Variants in SYNE1 observed in about 807,000 individuals in gnomAD.
SYNE1 encodes nesprin-1.
In SYNE1, 616 loss-of-function variants were observed where a neutral mutation model predicts 1,111.0. The observed-to-expected ratio is 0.55, with a 90% CI of 0.52 to 0.59. SYNE1 has a LOEUF of 0.59. Ranked by LOEUF, SYNE1 falls within the 20% of genes least tolerant of loss-of-function variation. The probability of loss-of-function intolerance (pLI) is 0.00; values close to 1 mark genes in which losing one functional copy is unlikely to be tolerated. For synonymous variants in SYNE1, 3,855 were observed against 3,825.8 expected (o/e 1.01, Z -0.28); for missense variants, 10,006 against 10,417.0 (o/e 0.96, Z 1.72).
intron 3 of SYNE1, among the ~76,000 whole-genome samples, chr6:152,583,167 AC>A (rs2099526152): frequency 6.6e-6 from 1 of 152,224 alleles, no homozygotes. Context: ...ATTTTGAGTT[AC>A]CTTTGCTCAG....
chr6:152,302,358 T>C (rs758558059), intron 91 of SYNE1: 9 of 500,570 alleles, frequency 1.8e-5, no homozygotes, highest in Non-Finnish European at 2.9e-5. Flanking sequence ...AGGCCCCATA[T>C]GGAATCATGA....
chr6:152,515,763 G>T (rs1394990174), intron 6 of SYNE1, among the ~76,000 whole-genome samples: 1 of 152,162 alleles, frequency 6.6e-6, no homozygotes, highest in East Asian at 1.9e-4. Context: ...TGAATGATCT[G>T]CCTGACACCT....
chr6:152,230,036 A>ATT (rs34395309), intron 115 of SYNE1, among the ~76,000 whole-genome samples: 16 of 150,598 alleles, frequency 1.1e-4, no homozygotes, highest in Admixed American at 2.0e-4. Flanking sequence ...AATTTAGGCA[A>ATT]TTTTTTTTTT....
chr6:152,488,162 T>C (rs1046327441), intron 12 of SYNE1, among the ~76,000 whole-genome samples: 1 of 152,006 alleles, frequency 6.6e-6, no homozygotes. Flanking sequence ...TATGGAAAAG[T>C]GATGAAGCCT....
At chr6:152,328,572 A>ATT (rs67478287) in intron 78 of SYNE1, among the ~76,000 whole-genome samples, 27 of 143,576 alleles carry the variant, frequency 1.9e-4, no homozygotes, top group Admixed American at 9.1e-4. Flanking sequence ...AACCCAGCTA[A>ATT]TTTTTTTTTT....
chr6:152,462,587 T>C, intron 20 of SYNE1, 151 bp downstream of exon 20: 1 of 794,342 alleles, frequency 1.3e-6, no homozygotes, highest in Non-Finnish European at 2.1e-6. Flanking sequence ...TCAATACATT[T>C]TTTTCTGACA....
At chr6:152,425,666 A>C (rs2154195014) in intron 38 of SYNE1, 119 bp from the exon 39 acceptor site, 1 of 1,179,462 alleles carries the variant, frequency 8.5e-7, no homozygotes, top group Non-Finnish European at 1.2e-6. Context: ...GTCATTCGGG[A>C]CAGGCTGAAG....
chr6:152,493,415 T>C (rs544465302), intron 11 of SYNE1, among the ~76,000 whole-genome samples: 3 of 152,170 alleles, frequency 2.0e-5, no homozygotes, highest in Admixed American at 1.3e-4. Flanking sequence ...TCGCTTTCAT[T>C]TGGACTGACC....
intron 127 of SYNE1, among the ~76,000 whole-genome samples, chr6:152,201,238 G>A (rs719764): frequency 0.016 from 2,476 of 151,952 alleles, 54 homozygotes; most frequent in Non-Finnish European, 0.02. Flanking sequence ...TGTTGGTCTC[G>A]GTGAGCTCAT....
At chr6:152,189,957 G>A (rs1411679244) in intron 127 of SYNE1, among the ~76,000 whole-genome samples, 1 of 152,196 alleles carries the variant, frequency 6.6e-6, no homozygotes, top group East Asian at 1.9e-4. Flanking sequence ...TGCTGTTTGA[G>A]AGCATTGTAC....
At chr6:152,525,176 C>G (rs1335790152) in intron 5 of SYNE1, among the ~76,000 whole-genome samples, 1 of 152,168 alleles carries the variant, frequency 6.6e-6, no homozygotes, top group East Asian at 1.9e-4. Context: ...ACAAACAACT[C>G]TTACAAAAGC....
At chr6:152,309,763 C>G (rs1259015209) in intron 90 of SYNE1, 72 bp downstream of exon 90, 1 of 1,589,102 alleles carries the variant, frequency 6.3e-7, no homozygotes. Context: ...TGGCTGAGCC[C>G]ACACAATGCT....
At chr6:152,159,639 C>T (rs1009130855) in intron 131 of SYNE1, among the ~76,000 whole-genome samples, 1 of 152,050 alleles carries the variant, frequency 6.6e-6, no homozygotes, top group Non-Finnish European at 1.5e-5. Flanking sequence ...GGGTCTTGCT[C>T]TGTCACCCAG....
At chr6:152,525,211 T>C (rs561668341) in intron 5 of SYNE1, among the ~76,000 whole-genome samples, 9 of 152,272 alleles carry the variant, frequency 5.9e-5, no homozygotes, top group African/African-American at 2.2e-4. Context: ...CTGTACAAAA[T>C]GAATGGAAAT....
chr6:152,339,320 T>C lies in SYNE1; in HGVS notation c.12272A>G (p.Asp4091Gly), dbSNP rs767294741. The C allele has an allele frequency of 1.1e-5, 17 of 1,613,936 alleles. No homozygotes were observed. Among genetic ancestry groups the C allele is most frequent in the Admixed American group, 1.0e-4 (6 of 59,998 alleles). The change falls in exon 75 of 146, where the codon GAT becomes GGT. Residue 4091 changes from aspartate to glycine, a missense_variant. Coordinates refer to ENST00000367255, the MANE Select transcript of SYNE1 (RefSeq NM_182961.4). ...ALQEQARTYL[D>G]LLCSMCDLSN... is the part of the protein sequence containing the mutation. ...CAGGTCACACATGGAGCAAAGGAGA[T>C]CTAGGTAGGTCCTTGCCTGCTCTTG...
At chr6:152,276,458 T>C (rs2093632368) in intron 98 of SYNE1, among the ~76,000 whole-genome samples, 1 of 152,208 alleles carries the variant, frequency 6.6e-6, no homozygotes, top group South Asian at 2.1e-4. Flanking sequence ...TAGTTTTTAG[T>C]TGATTAAGTT....
At chr6:152,575,971 C>T (rs570753875) in intron 3 of SYNE1, among the ~76,000 whole-genome samples, 2 of 152,304 alleles carry the variant, frequency 1.3e-5, no homozygotes, top group Admixed American at 6.5e-5. Context: ...TTCTGGGAAA[C>T]GGCTATTGCA....
At chr6:152,266,319 A>T (rs2092691785) in intron 100 of SYNE1, among the ~76,000 whole-genome samples, 1 of 152,168 alleles carries the variant, frequency 6.6e-6, no homozygotes, top group Non-Finnish European at 1.5e-5. Flanking sequence ...TTTAGTGATG[A>T]TACATACAGA....
chr6:152,204,322 C>T (rs2076086430), intron 126 of SYNE1, among the ~76,000 whole-genome samples: 2 of 148,788 alleles, frequency 1.3e-5, no homozygotes, highest in Admixed American at 1.3e-4. Context: ...GCCAAGACTG[C>T]ACCACAGCAC....
Sources: allele counts gnomAD v4.1 joint callset (sites outside exome capture counted in the v4.1 genomes callset), GRCh38; gene constraint gnomAD v4.1.1; transcripts MANE v1.5; gene names NCBI Gene and HGNC (gene_info 2026-07-23, HGNC 2026-07-21).